SLC12A9: variants seen among roughly 807,000 people sequenced by gnomAD.
The protein encoded by SLC12A9 is CCC-interacting protein 1.
A neutral mutation model predicts 66.0 loss-of-function variants in SLC12A9; 55 were observed. That is an observed-to-expected ratio of 0.83 (90% CI 0.67 to 1.04). The LOEUF is 1.04. SLC12A9 is among the 50% of genes least tolerant of loss of function. The probability of loss-of-function intolerance (pLI) is 0.00; values close to 1 mark genes in which losing one functional copy is unlikely to be tolerated. For synonymous variants in SLC12A9, 577 were observed against 569.0 expected (o/e 1.01, Z -0.20); for missense variants, 1,061 against 1,241.9 (o/e 0.85, Z 2.19).
chr7:100,866,625 A>G lies in SLC12A9; in HGVS notation c.*20A>G. The G allele has an allele frequency of 6.6e-7, 1 of 1,513,354 alleles. No homozygotes were observed. The highest frequency in any genetic ancestry group is 2.4e-5 in the East Asian group (1 of 41,360). 93.7% of individuals were successfully genotyped at this position (1,513,354 alleles called of 1,614,324 possible). ...CTGTGATGCCCCTGCCTCCAGGGCT[A>G]GGTAGAGAGGGCCCAGGCAGGCGGC... On this transcript the variant is annotated 3_prime_UTR_variant, in exon 14 of 14. Coordinates refer to ENST00000354161, the MANE Select transcript of SLC12A9 (RefSeq NM_020246.4). The surrounding 1 kb of genome is among the most constrained non-coding windows in gnomAD (Gnocchi z 7.3).
chr7:100,850,255 C>CT (rs1814032484), upstream of SLC12A9, among the ~76,000 whole-genome samples: 1 of 125,102 alleles, frequency 8.0e-6, no homozygotes, highest in East Asian at 2.4e-4. Context: ...CCTTTTCTTT[C>CT]TTTCTTTTTT....
At chr7:100,860,974 G>A (rs192933502) in intron 9 of SLC12A9, 164 bp from the exon 10 acceptor site, 195 of 1,266,660 alleles carry the variant, frequency 1.5e-4, no homozygotes, top group Non-Finnish European at 2.1e-4. Context: ...CATTTTGGGG[G>A]TTCATTGACA....
At chr7:100,835,130 T>A (rs1409239362) in intron 1 of SLC12A9, among the ~76,000 whole-genome samples, 1 of 149,676 alleles carries the variant, frequency 6.7e-6, no homozygotes, top group Non-Finnish European at 1.5e-5. Flanking sequence ...CCAAGGCAAG[T>A]GGATCACCTG....
intron 2 of SLC12A9, 62 bp from the exon 3 acceptor site, chr7:100,854,558 C>T: frequency 6.2e-7 from 1 of 1,608,376 alleles, no homozygotes; most frequent in South Asian, 1.1e-5. Context: ...CTCTGCAGAA[C>T]CAGGGGGTGG....
chr7:100,853,874 A>G (rs1019708223), intron 1 of SLC12A9, among the ~76,000 whole-genome samples: 1 of 152,024 alleles, frequency 6.6e-6, no homozygotes, highest in Non-Finnish European at 1.5e-5. Context: ...GACTACAGGC[A>G]TGAGCCACCA....
intron 1 of SLC12A9, among the ~76,000 whole-genome samples, chr7:100,833,218 T>C (rs1289264677): frequency 6.6e-6 from 1 of 152,006 alleles, no homozygotes; most frequent in Non-Finnish European, 1.5e-5. Context: ...GCGCAGTGGC[T>C]CACACCTGTA....
chr7:100,853,864 G>T (rs1009784660), intron 1 of SLC12A9, among the ~76,000 whole-genome samples: 1 of 152,158 alleles, frequency 6.6e-6, no homozygotes, highest in Non-Finnish European at 1.5e-5. Context: ...AAGTAGCTGG[G>T]ACTACAGGCA....
intron 1 of SLC12A9, among the ~76,000 whole-genome samples, chr7:100,829,760 A>G (rs1813507002): frequency 6.6e-6 from 1 of 152,124 alleles, no homozygotes; most frequent in South Asian, 2.1e-4. Context: ...TGGGGACAGT[A>G]GCTCAGGTCT....
At chr7:100,848,990 GT>G (rs1270161523), upstream of SLC12A9, among the ~76,000 whole-genome samples, 99 of 142,914 alleles carry the variant, frequency 6.9e-4, no homozygotes, top group Non-Finnish European at 7.1e-4. Context: ...TTAGTTTTTT[GT>G]TTTTTTTTTT....
At chr7:100,853,706 C>A in intron 1 of SLC12A9, among the ~76,000 whole-genome samples, 1 of 151,240 alleles carries the variant, frequency 6.6e-6, no homozygotes, top group African/African-American at 2.4e-5. Context: ...TGATTACAGG[C>A]ATGCACCTTC....
chr7:100,833,659 G>A (rs780835665), intron 1 of SLC12A9, among the ~76,000 whole-genome samples: 19 of 152,048 alleles, frequency 1.2e-4, no homozygotes, highest in Non-Finnish European at 2.9e-5. Flanking sequence ...AAATAGCTGG[G>A]TGTGGTGGCT....
In SLC12A9 at chr7:100,826,960, C is replaced by G. The variant is rs747046991; in HGVS notation, n.141C>G. The G allele has an allele frequency of 4.6e-6, 7 of 1,533,816 alleles. No homozygotes were observed. In the Admixed American group the frequency reaches 5.8e-5, roughly 13 times the overall value. On this transcript the variant is annotated non_coding_transcript_exon_variant, in exon 1 of 2. Coordinates refer to the SLC12A9 transcript ENST00000461016. ...TCCCAGGAGTGACGGGGTGCGCCCC[C>G]CCCCGCAAGGAAACTCACCTTCCAA...
chr7:100,865,886 C>CG lies in SLC12A9; in HGVS notation c.2029dup (p.Ala677GlyfsTer33). 6.2e-7 allele frequency: 1 copy of CG among 1,613,662 alleles called. No homozygotes were observed. On this transcript the variant is annotated frameshift_variant, in exon 14 of 14. Transcript: ENST00000354161. LOFTEE classifies it high-confidence loss of function. Reference sequence around the variant, plus strand: ...TCCTCCCCGGGCTCCTGGGAGCCCCCGGGCCCTCAATCCCCAGGACTATGT... The same window carrying CG: ...TCCTCCCCGGGCTCCTGGGAGCCCCCGGGGCCCTCAATCCCCAGGACTATGT...
rs1814457282 is a variant in SLC12A9 at position 100,857,283 on chromosome 7, G to A, written c.757+107G>A. On this transcript the variant is annotated intron_variant, in intron 5 of 13. Coordinates refer to ENST00000354161, the MANE Select transcript of SLC12A9 (RefSeq NM_020246.4). ...AGCACAGGTGTCAGAGGGAATGGAGGGCAGGAGGTCTGGACTGCAGAGCAG... is the reference window on the plus strand; with the variant it reads ...AGCACAGGTGTCAGAGGGAATGGAGAGCAGGAGGTCTGGACTGCAGAGCAG... The A allele has an allele frequency of 1.1e-5, 14 of 1,265,836 alleles. No homozygotes were observed. In the East Asian group the frequency reaches 3.3e-4, roughly 30 times the overall value. The allele number at this position is 1,265,836 out of a possible 1,614,324, so 78.4% of individuals were successfully genotyped here. A position where few individuals can be genotyped will look rare whatever the true frequency, so the allele number is the denominator to read the frequency against.
Position 100,858,855 on chromosome 7 carries a change from A to G in SLC12A9, c.778A>G (p.Thr260Ala). 6.2e-7 allele frequency: 1 copy of G among 1,614,162 alleles called. No homozygotes were observed. The highest frequency in any genetic ancestry group is 8.5e-7 in the Non-Finnish European group (1 of 1,180,006). Residue 260 changes from threonine (T) to alanine (A), a missense_variant, in exon 6 of 14, where the codon ACC becomes GCC. Thr to Ala is a moderately conservative substitution (Grantham distance 58). Transcript: ENST00000354161. ...CCTAGCTGGCTATGCTGAGGACTAC[A>G]CCACGGGAGCCGTGATGAATTTTGC... ...NLGAGYAEDY[T>A]TGAVMNFASV... is the part of the protein sequence containing the mutation.
At chr7:100,826,931 G>C (rs775569595) in exon 1 of SLC12A9, 9 of 1,535,226 alleles carry the variant, frequency 5.9e-6, no homozygotes, top group Non-Finnish European at 7.9e-6. Flanking sequence ...TGTTGGGGGG[G>C]AGGTCCCAGG....
upstream of SLC12A9, among the ~76,000 whole-genome samples, chr7:100,851,486 C>T (rs1022622399): frequency 1.0e-4 from 14 of 138,134 alleles, no homozygotes; most frequent in African/African-American, 3.4e-4. Flanking sequence ...TGCAGTGGTG[C>T]GATCTCAGCT....
In SLC12A9 at chr7:100,866,509, C is replaced by A; in HGVS notation, c.2649C>A (p.Tyr883Ter). Reference protein sequence around the residue: ...LPRPPADPARYPRYLALLETL... With the variant: ...LPRPPADPAR ...GGCCGCCAGCCGATCCCGCCCGATACCCCCGCTACCTGGCGCTACTGGAGA... is the reference window on the plus strand; with the variant it reads ...GGCCGCCAGCCGATCCCGCCCGATAACCCCGCTACCTGGCGCTACTGGAGA... Residue 883 changes from tyrosine (Y) to a stop codon, truncating the protein, a stop_gained, in exon 14 of 14, where the codon TAC becomes TAA. Transcript: ENST00000354161. LOFTEE classifies it high-confidence loss of function. The surrounding 1 kb of genome is among the most constrained non-coding windows in gnomAD (Gnocchi z 7.3). 2 of 1,567,764 alleles carry A rather than the reference C, an allele frequency of 1.3e-6. No individual in the cohort carries two copies. Among genetic ancestry groups the A allele is most frequent in the Non-Finnish European group, 1.7e-6 (2 of 1,157,110 alleles).
rs972516580 is a variant in SLC12A9 at position 100,861,680 on chromosome 7, G to A, written c.1537-57G>A. ...TTGGTGCTCCCGTCCAGGAGGCGCTGAACGGGGCTGTGCATTTGATCCTGC... is the reference window on the plus strand; with the variant it reads ...TTGGTGCTCCCGTCCAGGAGGCGCTAAACGGGGCTGTGCATTTGATCCTGC... On this transcript the variant is annotated intron_variant, in intron 11 of 13. Transcript: ENST00000354161. The surrounding 1 kb of genome is among the most constrained non-coding windows in gnomAD (Gnocchi z 5.3). 6.2e-7 allele frequency: 1 copy of A among 1,612,362 alleles called. No individual in the cohort carries two copies. Among genetic ancestry groups the A allele is most frequent in the Non-Finnish European group, 8.5e-7 (1 of 1,178,602 alleles).
Sources: allele counts gnomAD v4.1 joint callset (sites outside exome capture counted in the v4.1 genomes callset), GRCh38; gene constraint gnomAD v4.1.1; non-coding constraint Gnocchi (gnomAD v3.1); transcripts MANE v1.5; gene names NCBI Gene and HGNC (gene_info 2026-07-23, HGNC 2026-07-21).